FRAS1: variants seen among roughly 807,000 people sequenced by gnomAD.
FRAS1 encodes the protein Fraser extracellular matrix complex subunit 1, also known as extracellular matrix organizing protein FRAS1.
A neutral mutation model predicts 435.2 loss-of-function variants in FRAS1; 290 were observed. That is an observed-to-expected ratio of 0.67 (90% CI 0.61 to 0.73). FRAS1 has a LOEUF of 0.73. Ranked by LOEUF, FRAS1 falls within the 30% of genes least tolerant of loss-of-function variation. The pLI is 0.00. For synonymous variants in FRAS1, 1,800 were observed against 1,851.0 expected (o/e 0.97, Z 0.71); for missense variants, 4,860 against 5,001.5 (o/e 0.97, Z 0.85).
chr4:78,276,218 A>G (rs915499268), intron 9 of FRAS1, among the ~76,000 whole-genome samples: 2 of 152,142 alleles, frequency 1.3e-5, no homozygotes, highest in South Asian at 2.1e-4. Context: ...CCATTTGTCT[A>G]ATCTTTTTTC....
chr4:78,341,023 T>C (rs1183843919), intron 20 of FRAS1, among the ~76,000 whole-genome samples: 1 of 151,950 alleles, frequency 6.6e-6, no homozygotes, highest in Non-Finnish European at 1.5e-5. Context: ...AGGGAGTGGG[T>C]GTTTAGTATG....
intron 2 of FRAS1, among the ~76,000 whole-genome samples, chr4:78,069,644 T>G (rs542648605): frequency 6.6e-6 from 1 of 152,142 alleles, no homozygotes; most frequent in East Asian, 1.9e-4. Flanking sequence ...GACGATAATA[T>G]GGGAAAGACA....
At position 78,369,826 on chromosome 4, in the gene FRAS1, C is replaced by G. The variant is rs752021222; in HGVS notation, c.2723-12C>G. 20 of 1,603,150 alleles carry G rather than the reference C, an allele frequency of 1.2e-5. No individual in the cohort carries two copies. The South Asian group carries it at 2.1e-4, about 17-fold the overall frequency. On this transcript the variant is annotated splice_polypyrimidine_tract_variant and intron_variant, in intron 22 of 73. Coordinates refer to ENST00000512123, the MANE Select transcript of FRAS1 (RefSeq NM_025074.7). ...GTAATCATCTGGTCATTTTCTTTTC[C>G]TGTCTGCTCAGCATGCAACACACAC... is the stretch of plus-strand genomic sequence containing the variant.
intron 2 of FRAS1, among the ~76,000 whole-genome samples, chr4:78,167,574 T>C (rs1013770278): frequency 6.6e-6 from 1 of 152,060 alleles, no homozygotes; most frequent in Non-Finnish European, 1.5e-5. Context: ...ACTTACTATG[T>C]GATAAGCTCA....
intron 14 of FRAS1, among the ~76,000 whole-genome samples, chr4:78,304,743 G>C (rs558296271): frequency 2.0e-5 from 3 of 151,846 alleles, no homozygotes; most frequent in Non-Finnish European, 2.9e-5. Flanking sequence ...GCATCTATTT[G>C]ATTCTTCTTT....
intron 30 of FRAS1, among the ~76,000 whole-genome samples, chr4:78,405,267 A>G (rs1733054934): frequency 6.6e-6 from 1 of 152,202 alleles, no homozygotes; most frequent in Non-Finnish European, 1.5e-5. Flanking sequence ...TCTACTGTCC[A>G]CATTTTCATT....
intron 22 of FRAS1, among the ~76,000 whole-genome samples, chr4:78,368,266 T>C (rs1307304626): frequency 1.7e-5 from 2 of 120,338 alleles, no homozygotes; most frequent in Admixed American, 1.6e-4. Context: ...GACCTTAAAT[T>C]ATCAATATGC....
At chr4:78,098,506 C>T (rs1388897684) in intron 2 of FRAS1, among the ~76,000 whole-genome samples, 3 of 152,054 alleles carry the variant, frequency 2.0e-5, no homozygotes, top group African/African-American at 7.2e-5. Context: ...AGCTCCTGAC[C>T]TCAAGTTATC....
At chr4:78,357,078 T>C (rs1730885651) in intron 20 of FRAS1, among the ~76,000 whole-genome samples, 2 of 152,180 alleles carry the variant, frequency 1.3e-5, no homozygotes, top group South Asian at 4.1e-4. Flanking sequence ...GTTCAACTTC[T>C]GGGTTGCCTA....
intron 65 of FRAS1, 75 bp from the exon 66 acceptor site, chr4:78,515,724 T>C (rs970852918): frequency 7.3e-7 from 1 of 1,374,818 alleles, no homozygotes; most frequent in Non-Finnish European, 1.0e-6. Context: ...TGCAAAAGGG[T>C]GAGCTCTTCA....
intron 2 of FRAS1, among the ~76,000 whole-genome samples, chr4:78,180,188 A>G (rs940804141): frequency 6.6e-6 from 1 of 152,156 alleles, no homozygotes; most frequent in Admixed American, 6.5e-5. Flanking sequence ...GCCTAATGGT[A>G]TGAAAGCTTT....
chr4:78,132,832 G>T (rs142809459), intron 2 of FRAS1, among the ~76,000 whole-genome samples: 20 of 152,206 alleles, frequency 1.3e-4, no homozygotes, highest in African/African-American at 4.3e-4. Flanking sequence ...AGTGTGGTTT[G>T]GCTCACCTAG....
chr4:78,460,001 A>T (rs778868678), intron 47 of FRAS1, among the ~76,000 whole-genome samples: 7 of 152,212 alleles, frequency 4.6e-5, no homozygotes, highest in Admixed American at 1.3e-4. Flanking sequence ...TGGGACTTCA[A>T]CATATGAATT....
At chr4:78,314,905 G>A (rs551447470) in intron 15 of FRAS1, among the ~76,000 whole-genome samples, 2 of 152,098 alleles carry the variant, frequency 1.3e-5, no homozygotes, top group African/African-American at 4.8e-5. Flanking sequence ...TATATAGATT[G>A]ATCTGAGTGA....
chr4:78,226,421 T>G (rs1253533434), intron 2 of FRAS1, among the ~76,000 whole-genome samples: 2 of 152,100 alleles, frequency 1.3e-5, no homozygotes, highest in African/African-American at 4.8e-5. Flanking sequence ...TTTAAAACAT[T>G]TTTATTTCAT....
rs1166994103 is a variant in FRAS1, at chr4:78,086,343, C to A, written c.108+20327C>A. Among the ~76,000 whole-genome samples the A allele has an allele frequency of 5.3e-5, 8 of 152,252 alleles. No homozygotes were observed. The East Asian group carries it at 1.2e-3, about 22-fold the overall frequency. On this transcript the variant is annotated intron_variant, in intron 2 of 73. Coordinates refer to ENST00000512123, the MANE Select transcript of FRAS1 (RefSeq NM_025074.7). The stretch of plus-strand genomic sequence containing the variant: ...AAGCAGGAAAGATCCAAAATTGACA[C>A]TCTAACATCACAATTAAAGGAACTA...
At chr4:78,418,087 G>C (rs1733622334) in intron 32 of FRAS1, among the ~76,000 whole-genome samples, 1 of 152,188 alleles carries the variant, frequency 6.6e-6, no homozygotes, top group African/African-American at 2.4e-5. Flanking sequence ...GTGAGTTATG[G>C]ATGTACACAG....
chr4:78,157,962 T>G (rs1720966472), intron 2 of FRAS1, among the ~76,000 whole-genome samples: 1 of 152,186 alleles, frequency 6.6e-6, no homozygotes, highest in Non-Finnish European at 1.5e-5. Context: ...GTTGACTTTG[T>G]TGAATATAAG....
intron 22 of FRAS1, among the ~76,000 whole-genome samples, chr4:78,365,339 C>T (rs1485100221): frequency 6.6e-6 from 1 of 152,068 alleles, no homozygotes; most frequent in Non-Finnish European, 1.5e-5. Context: ...CAACTGTCTG[C>T]CAGAATCTGT....
Sources: allele counts gnomAD v4.1 joint callset (sites outside exome capture counted in the v4.1 genomes callset), GRCh38; gene constraint gnomAD v4.1.1; transcripts MANE v1.5; gene names NCBI Gene and HGNC (gene_info 2026-07-23, HGNC 2026-07-21).